The following TRAPPC3 variants were observed in gnomAD, a reference collection of about 807,000 sequenced individuals.
The protein encoded by TRAPPC3 is trafficking protein particle complex subunit 3, also known as trafficking protein particle complex 3.
TRAPPC3 carries 5 observed loss-of-function variants against 18.2 expected under a neutral mutation model. The observed-to-expected ratio is 0.28, with a 90% confidence interval of 0.14 to 0.58. TRAPPC3 has a LOEUF of 0.58. Among genes scored for constraint, TRAPPC3 ranks in the 20% least tolerant of loss-of-function variants. TRAPPC3 has a pLI of 0.91. For synonymous variants in TRAPPC3, 65 were observed against 84.2 expected (o/e 0.77, Z 1.25); for missense variants, 176 against 225.9 (o/e 0.78, Z 1.41).
chr1:36,149,231 C>G (rs994655874), intron 1 of TRAPPC3, 106 bp downstream of exon 1: 36 of 1,557,726 alleles, frequency 2.3e-5, no homozygotes, highest in Non-Finnish European at 2.9e-5. Flanking sequence ...CTTGCCAGAG[C>G]TCACAGGAAG....
chr1:36,146,573 C>T (rs911234832), intron 1 of TRAPPC3, among the ~76,000 whole-genome samples: 3 of 145,314 alleles, frequency 2.1e-5, no homozygotes, highest in Non-Finnish European at 3.0e-5. Context: ...CATGAGCCAC[C>T]GCACCCAGCC....
intron 1 of TRAPPC3, 105 bp downstream of exon 1, chr1:36,149,232 T>A: frequency 6.4e-7 from 1 of 1,559,498 alleles, no homozygotes. Flanking sequence ...TTGCCAGAGC[T>A]CACAGGAAGG....
At chr1:36,146,000 G>A (rs1342773338) in intron 1 of TRAPPC3, among the ~76,000 whole-genome samples, 4 of 148,920 alleles carry the variant, frequency 2.7e-5, no homozygotes, top group East Asian at 4.0e-4. Flanking sequence ...GGATGGTCTC[G>A]ATCTCCTGAC....
At chr1:36,138,321 T>C in intron 3 of TRAPPC3, 1 of 1,474,714 alleles carries the variant, frequency 6.8e-7, no homozygotes, top group Non-Finnish European at 9.1e-7. Flanking sequence ...ACACGGTGGC[T>C]GCCTGAGTGC....
intron 1 of TRAPPC3, among the ~76,000 whole-genome samples, chr1:36,141,363 T>C (rs1156709205): frequency 6.6e-6 from 1 of 152,106 alleles, no homozygotes; most frequent in East Asian, 1.9e-4. Context: ...CCACCCACAC[T>C]CTTCCTTCTG....
upstream of TRAPPC3, among the ~76,000 whole-genome samples, chr1:36,153,429 C>T (rs1251079660): frequency 6.6e-6 from 1 of 152,204 alleles, no homozygotes; most frequent in Non-Finnish European, 1.5e-5. Context: ...GACTCATCAG[C>T]AGCACAGGAA....
intron 3 of TRAPPC3, among the ~76,000 whole-genome samples, chr1:36,138,406 C>T (rs918017147): frequency 1.3e-5 from 2 of 152,126 alleles, no homozygotes; most frequent in Non-Finnish European, 2.9e-5. Flanking sequence ...ATACACATTA[C>T]TGGGCAGAGA....
At chr1:36,138,212 T>C in intron 3 of TRAPPC3, 1 of 1,547,722 alleles carries the variant, frequency 6.5e-7, no homozygotes, top group Non-Finnish European at 8.7e-7. Flanking sequence ...TGTTTTGTTT[T>C]CCCAGAAACA....
chr1:36,147,894 T>A (rs1188386355), intron 1 of TRAPPC3, among the ~76,000 whole-genome samples: 1 of 152,118 alleles, frequency 6.6e-6, no homozygotes, highest in Non-Finnish European at 1.5e-5. Context: ...CAGATTTTTG[T>A]TAAAGATTTC....
chr1:36,145,741 C>T (rs1021893656), intron 1 of TRAPPC3, among the ~76,000 whole-genome samples: 2 of 152,192 alleles, frequency 1.3e-5, no homozygotes, highest in Admixed American at 6.6e-5. Context: ...ATCCTCAGAA[C>T]AACCCTATAA....
At chr1:36,138,187 C>G (rs1274082403) in intron 3 of TRAPPC3, 1 of 1,550,250 alleles carries the variant, frequency 6.5e-7, no homozygotes. Flanking sequence ...TACAGTTTTG[C>G]CTGTCGCTTT....
rs542179705 is a variant in TRAPPC3 at position 36,145,422 on chromosome 1, G to C, written c.42+3915C>G. On this transcript the variant is annotated intron_variant, in intron 1 of 4. Coordinates refer to ENST00000373166, the MANE Select transcript of TRAPPC3 (RefSeq NM_014408.5). The stretch of plus-strand genomic sequence containing the variant: ...TGAATCCCCTCTAGCAGCTGGAGGA[G>C]GATCAATAGCAAGACTAAATCCAGC... Among the ~76,000 whole-genome samples, 22 of 152,258 alleles carry C rather than the reference G, an allele frequency of 1.4e-4. 1 individual carries two copies. The South Asian group carries it at 3.1e-3, about 22-fold the overall frequency.
intron 1 of TRAPPC3, chr1:36,140,487 G>C (rs543347869): frequency 6.1e-5 from 15 of 246,130 alleles, no homozygotes; most frequent in African/African-American, 3.3e-4. Context: ...CCAGAATCTG[G>C]TATGGGAGCA....
At chr1:36,146,696 G>A (rs565699691) in intron 1 of TRAPPC3, among the ~76,000 whole-genome samples, 1 of 151,826 alleles carries the variant, frequency 6.6e-6, no homozygotes, top group East Asian at 1.9e-4. Flanking sequence ...TAGAACTCAG[G>A]TGCAGGCGGT....
intron 4 of TRAPPC3, 27 bp from the exon 5 acceptor site, chr1:36,137,349 G>A: frequency 6.3e-7 from 1 of 1,597,584 alleles, no homozygotes; most frequent in Non-Finnish European, 8.6e-7. Flanking sequence ...AAACGAAGGG[G>A]TAGCTGCCTG....
At chr1:36,138,212 TC>T (rs1418206894) in intron 3 of TRAPPC3, 1 of 1,547,722 alleles carries the variant, frequency 6.5e-7, no homozygotes. Flanking sequence ...TGTTTTGTTT[TC>T]CCAGAAACAT....
chr1:36,137,053 G>T lies in TRAPPC3; in HGVS notation c.*150C>A. 2.1e-6 allele frequency: 2 copies of T among 936,814 alleles called. No individual in the cohort carries two copies. Among genetic ancestry groups the T allele is most frequent in the Non-Finnish European group, 3.2e-6 (2 of 627,110 alleles). The allele number at this position is 936,814 out of a possible 1,614,324, so 58.0% of individuals were successfully genotyped here. ...GGGTAAATGGACTATATCGCAGTCT[G>T]CTCTTTATTTGAATGGAGAATGGAA... On this transcript the variant is annotated 3_prime_UTR_variant, in exon 5 of 5. Coordinates refer to ENST00000373166, the MANE Select transcript of TRAPPC3 (RefSeq NM_014408.5).
upstream of TRAPPC3, chr1:36,149,494 T>A: frequency 7.3e-7 from 1 of 1,373,568 alleles, no homozygotes; most frequent in Non-Finnish European, 1.0e-6. Flanking sequence ...ACTGACTCAC[T>A]GCGCCTGCGC....
upstream of TRAPPC3, among the ~76,000 whole-genome samples, chr1:36,154,117 G>A (rs1456081819): frequency 2.6e-5 from 4 of 152,140 alleles, no homozygotes; most frequent in Non-Finnish European, 5.9e-5. Context: ...CGATTCTCCT[G>A]CCTCAGCCTC....
Sources: allele counts gnomAD v4.1 joint callset (sites outside exome capture counted in the v4.1 genomes callset), GRCh38; gene constraint gnomAD v4.1.1; transcripts MANE v1.5; gene names NCBI Gene and HGNC (gene_info 2026-07-23, HGNC 2026-07-21).